Variants in EIF4E2 observed in about 807,000 individuals in gnomAD.
The protein encoded by EIF4E2 is eukaryotic translation initiation factor 4E family member 2.
A neutral mutation model predicts 34.2 loss-of-function variants in EIF4E2; 13 were observed. The observed-to-expected ratio is 0.38, with a 90% CI of 0.25 to 0.60. The LOEUF (loss-of-function observed/expected upper bound fraction) is 0.60, where lower values mean the gene tolerates loss of function less well. Ranked by LOEUF, EIF4E2 falls within the 20% of genes least tolerant of loss-of-function variation. The pLI is 0.62. For missense variants in EIF4E2, 222 were observed against 315.1 expected (o/e 0.70, Z 2.24); for synonymous variants, 100 against 106.6 (o/e 0.94, Z 0.38).
At chr2:232,580,746 G>C (rs1574681855) in intron 6 of EIF4E2, among the ~76,000 whole-genome samples, 1 of 152,326 alleles carries the variant, frequency 6.6e-6, no homozygotes, top group East Asian at 1.9e-4. Context: ...TGGGAGGTGG[G>C]TTGCCGTTTT....
At chr2:232,575,933 C>T (rs1693201659) in intron 6 of EIF4E2, among the ~76,000 whole-genome samples, 1 of 152,130 alleles carries the variant, frequency 6.6e-6, no homozygotes, top group African/African-American at 2.4e-5. Context: ...TTGCTGGGCG[C>T]AGTGGCTCAC....
chr2:232,564,234 C>T lies in EIF4E2; in HGVS notation c.271-13C>T, dbSNP rs1386522933. 1 of 1,565,458 alleles carries T rather than the reference C, an allele frequency of 6.4e-7. No homozygotes were observed. The highest frequency in any genetic ancestry group is 1.2e-5 in the South Asian group (1 of 85,046). The stretch of plus-strand genomic sequence containing the variant: ...AGACACATGTTTTTTACTCTGGGGT[C>T]TTCTCTCTGCAGGTGGAGCAGTTCT... On this transcript the variant is annotated splice_polypyrimidine_tract_variant and intron_variant, in intron 3 of 6. Coordinates refer to ENST00000258416, the MANE Select transcript of EIF4E2 (RefSeq NM_004846.4).
rs1692955302 is a variant in EIF4E2, at chr2:232,566,973, C to T, written c.520C>T (p.Arg174Cys). 1 of 1,592,644 alleles carries T rather than the reference C, an allele frequency of 6.3e-7. No individual in the cohort carries two copies. Among genetic ancestry groups the T allele is most frequent in the Non-Finnish European group, 8.6e-7 (1 of 1,168,970 alleles). Residue 174 changes from arginine (R) to cysteine (C), a missense_variant, in exon 5 of 7, where the codon CGC becomes TGC. Arg to Cys is a radical substitution (Grantham distance 180). Coordinates refer to ENST00000258416, the MANE Select transcript of EIF4E2 (RefSeq NM_004846.4). This position sits in a 1 kb window ranked among gnomAD's most constrained non-coding sequence, Gnocchi z 4.9. ...EEICGAVVSV[R>C]FQEDIISIWN... ...GATCTGTGGGGCTGTGGTGTCTGTC[C>T]GCTTTCAGGTAAGCCACCCATGAGC...
At position 232,557,005 on chromosome 2, in the gene EIF4E2, G is replaced by A. The variant is rs188406921; in HGVS notation, c.135+475G>A. Among the ~76,000 whole-genome samples, 20 of 152,322 alleles carry A rather than the reference G, an allele frequency of 1.3e-4. No individual in the cohort carries two copies. The East Asian group carries it at 3.9e-3, about 29-fold the overall frequency. On this transcript the variant is annotated intron_variant, in intron 2 of 6. Transcript: ENST00000258416. ...CTCATGCCTGTAATCCTAGCACTTTGGAAGGCCAAGGTGGGTGGATCACTA... is the reference window on the plus strand; with the variant it reads ...CTCATGCCTGTAATCCTAGCACTTTAGAAGGCCAAGGTGGGTGGATCACTA...
intron 6 of EIF4E2, among the ~76,000 whole-genome samples, chr2:232,575,123 C>T (rs1475377491): frequency 6.6e-6 from 1 of 152,192 alleles, no homozygotes; most frequent in Admixed American, 6.5e-5. Flanking sequence ...ACTAACATCC[C>T]TAAGAAATAG....
downstream of EIF4E2, chr2:232,574,161 G>T: frequency 8.3e-7 from 1 of 1,209,894 alleles, no homozygotes; most frequent in Non-Finnish European, 1.2e-6. Context: ...ACTCGGCTTG[G>T]AGGGCATCTG....
intron 6 of EIF4E2, among the ~76,000 whole-genome samples, chr2:232,579,025 G>T (rs1413755836): frequency 6.6e-6 from 1 of 152,058 alleles, no homozygotes; most frequent in Non-Finnish European, 1.5e-5. Flanking sequence ...CTGTTCCTGT[G>T]AAATCACTTT....
intron 6 of EIF4E2, chr2:232,580,824 G>A: frequency 7.7e-7 from 1 of 1,302,346 alleles, no homozygotes; most frequent in Non-Finnish European, 1.1e-6. Context: ...TGATGAGTCA[G>A]CATCCCCCTG....
chr2:232,572,654 G>T (rs562165044), downstream of EIF4E2, among the ~76,000 whole-genome samples: 2 of 152,190 alleles, frequency 1.3e-5, no homozygotes, highest in African/African-American at 2.4e-5. Context: ...GAGCCATGGT[G>T]CCCGGCTGTG....
chr2:232,550,942 C>T (rs1692287177), intron 1 of EIF4E2, 198 bp downstream of exon 1: 7 of 642,634 alleles, frequency 1.1e-5, no homozygotes, highest in South Asian at 1.9e-5. Context: ...GACCCCAGGG[C>T]CGTCCGAACC....
chr2:232,568,255 C>T (rs935812552), intron 6 of EIF4E2: 4 of 985,254 alleles, frequency 4.1e-6, no homozygotes, highest in Non-Finnish European at 1.2e-6. Context: ...GAATCTCTTT[C>T]CCATGCATTC....
In EIF4E2 at chr2:232,566,760, T is replaced by C; in HGVS notation, c.376-69T>C. 6.3e-7 allele frequency: 1 copy of C among 1,581,474 alleles called. No homozygotes were observed. Reference sequence around the variant, plus strand: ...TAGTGTTTAAGAGATTCTTGGCTTTTTACTGCCTTCATACAAAAAAAGGCT... The same window carrying C: ...TAGTGTTTAAGAGATTCTTGGCTTTCTACTGCCTTCATACAAAAAAAGGCT... On this transcript the variant is annotated intron_variant, in intron 4 of 6. Transcript: ENST00000258416. The surrounding 1 kb of genome is among the most constrained non-coding windows in gnomAD (Gnocchi z 4.9).
intron 2 of EIF4E2, among the ~76,000 whole-genome samples, chr2:232,556,969 G>A (rs1190444): frequency 0.19 from 29,474 of 152,196 alleles, 3,325 homozygotes; most frequent in Admixed American, 0.29. Flanking sequence ...AAAGCAGGCT[G>A]GGTGCCATGG....
chr2:232,551,102 C>G, intron 1 of EIF4E2: 1 of 607,464 alleles, frequency 1.6e-6, no homozygotes, highest in Non-Finnish European at 3.2e-6. Context: ...TCTGGCAGCG[C>G]TGCCTCTGAA....
downstream of EIF4E2, among the ~76,000 whole-genome samples, chr2:232,570,730 G>C (rs960549140): frequency 6.6e-6 from 1 of 152,216 alleles, no homozygotes; most frequent in East Asian, 1.9e-4. Context: ...AGATCACAAG[G>C]TCAGGAGACC....
At chr2:232,578,983 C>T (rs891128128) in intron 6 of EIF4E2, among the ~76,000 whole-genome samples, 1 of 152,068 alleles carries the variant, frequency 6.6e-6, no homozygotes, top group Non-Finnish European at 1.5e-5. Flanking sequence ...CATAGACGTG[C>T]CTGTAAAAGG....
chr2:232,570,270 T>C (rs1693060171), downstream of EIF4E2, among the ~76,000 whole-genome samples: 2 of 152,320 alleles, frequency 1.3e-5, no homozygotes, highest in Middle Eastern at 3.4e-3. Context: ...TTTGTGTCAT[T>C]GCATCTTTGT....
intron 3 of EIF4E2, among the ~76,000 whole-genome samples, chr2:232,563,674 A>ATG (rs1349500193): frequency 2.6e-5 from 4 of 152,234 alleles, no homozygotes; most frequent in Admixed American, 1.3e-4. Flanking sequence ...TCTATCACTT[A>ATG]CGCTTAGTAA....
chr2:232,573,589 C>G (rs1330875481), downstream of EIF4E2: 1 of 160,860 alleles, frequency 6.2e-6, no homozygotes, highest in Non-Finnish European at 1.4e-5. Context: ...CCTTCCCAAC[C>G]CTAATTTCAT....
Sources: allele counts gnomAD v4.1 joint callset (sites outside exome capture counted in the v4.1 genomes callset), GRCh38; gene constraint gnomAD v4.1.1; non-coding constraint Gnocchi (gnomAD v3.1); transcripts MANE v1.5; gene names NCBI Gene and HGNC (gene_info 2026-07-23, HGNC 2026-07-21).